The following TPRG1 variants were observed in gnomAD, a reference collection of about 807,000 sequenced individuals.
TPRG1 encodes the protein tumor protein p63 regulated 1.
A neutral mutation model predicts 29.3 loss-of-function variants in TPRG1; 29 were observed. The observed-to-expected ratio is 0.99, with a 90% CI of 0.74 to 1.35. The LOEUF is 1.35. TPRG1 is among the 40% of genes most tolerant of loss of function. The pLI, the probability that TPRG1 is intolerant of heterozygous loss-of-function variation, is 0.00. For missense variants in TPRG1, 327 were observed against 335.0 expected (o/e 0.98, Z 0.19); for synonymous variants, 130 against 116.8 (o/e 1.11, Z -0.73).
Position 189,104,752 on chromosome 3 carries a change from G to C in TPRG1, c.-744+4548G>C, listed in dbSNP as rs542031437. Among the ~76,000 whole-genome samples the C allele has an allele frequency of 9.6e-4, 145 of 151,810 alleles. 1 individual carries two copies. The highest frequency in any genetic ancestry group is 1.5e-3 in the South Asian group (7 of 4,800). ...ATATACCCACCTGAACTATTAATGT[G>C]TGCATTTTCTTGGATGTGCCTCCTT... On this transcript the variant is annotated intron_variant, in intron 1 of 6. Transcript: ENST00000412373.
chr3:189,273,117 C>A (rs1715510904), intron 4 of TPRG1, among the ~76,000 whole-genome samples: 1 of 152,168 alleles, frequency 6.6e-6, no homozygotes, highest in Non-Finnish European at 1.5e-5. Flanking sequence ...CTCCTCTAAT[C>A]AGCTCCTCTT....
intron 4 of TPRG1, among the ~76,000 whole-genome samples, chr3:189,263,502 A>G (rs947392285): frequency 6.6e-6 from 1 of 152,186 alleles, no homozygotes; most frequent in African/African-American, 2.4e-5. Flanking sequence ...AGCTAGAATA[A>G]TTCTGCTTTT....
At chr3:189,283,601 G>A (rs1717523013) in intron 4 of TPRG1, among the ~76,000 whole-genome samples, 1 of 152,096 alleles carries the variant, frequency 6.6e-6, no homozygotes, top group Non-Finnish European at 1.5e-5. Flanking sequence ...AAATAATATT[G>A]GGTGGCTCAT....
At chr3:189,201,823 G>A (rs977379620) in intron 1 of TPRG1, among the ~76,000 whole-genome samples, 1 of 151,938 alleles carries the variant, frequency 6.6e-6, no homozygotes, top group East Asian at 1.9e-4. Flanking sequence ...GCTAATTTTT[G>A]TATTTTTAGT....
At chr3:189,277,088 T>C (rs1489477769) in intron 4 of TPRG1, among the ~76,000 whole-genome samples, 1 of 152,144 alleles carries the variant, frequency 6.6e-6, no homozygotes, top group Non-Finnish European at 1.5e-5. Context: ...CTGTGGTGGT[T>C]TGGCAACAGA....
chr3:189,074,172 T>A (rs1327860078), intron 4 of TPRG1, among the ~76,000 whole-genome samples: 1 of 151,570 alleles, frequency 6.6e-6, no homozygotes, highest in African/African-American at 2.4e-5. Flanking sequence ...CGTTTGGAGT[T>A]TTTTTTAATT....
At chr3:189,241,708 G>A (rs531814542) in intron 4 of TPRG1, among the ~76,000 whole-genome samples, 1 of 152,090 alleles carries the variant, frequency 6.6e-6, no homozygotes, top group African/African-American at 2.4e-5. Context: ...TGAATCATGG[G>A]GGCTGGTCTT....
chr3:189,281,967 G>A (rs1717216034), intron 4 of TPRG1, among the ~76,000 whole-genome samples: 1 of 151,862 alleles, frequency 6.6e-6, no homozygotes, highest in Non-Finnish European at 1.5e-5. Context: ...TGCAACCTCT[G>A]CCTCCCAGGC....
rs531742493 is a variant in TPRG1, at chr3:189,000,469, T to C, written c.-1015-305T>C. On this transcript the variant is annotated intron_variant, in intron 1 of 10. Transcript: ENST00000433971. ...CCTTTATTTACTCTTGAATTTTTTG[T>C]TCTCCTTTAATTTAAAATGCTTACC... Among the ~76,000 whole-genome samples the C allele has an allele frequency of 4.6e-5, 7 of 152,242 alleles. No homozygotes were observed. In the South Asian group the frequency reaches 1.4e-3, roughly 32 times the overall value.
At chr3:189,293,101 A>G (rs1197261327) in intron 4 of TPRG1, among the ~76,000 whole-genome samples, 1 of 152,112 alleles carries the variant, frequency 6.6e-6, no homozygotes, top group Non-Finnish European at 1.5e-5. Flanking sequence ...TTCATTAGGC[A>G]TTTCTTTTCT....
intron 4 of TPRG1, among the ~76,000 whole-genome samples, chr3:189,300,341 C>T (rs1720636394): frequency 6.6e-6 from 1 of 152,196 alleles, no homozygotes; most frequent in Non-Finnish European, 1.5e-5. Context: ...TGTCTTAGCG[C>T]ATTGCCTGGA....
At chr3:189,194,450 C>A (rs941010184) in intron 1 of TPRG1, among the ~76,000 whole-genome samples, 1 of 152,112 alleles carries the variant, frequency 6.6e-6, no homozygotes, top group Admixed American at 6.5e-5. Flanking sequence ...GTTACATGAA[C>A]CTATTGTGAC....
chr3:189,182,683 T>C (rs1482250533), intron 1 of TPRG1, among the ~76,000 whole-genome samples: 1 of 152,240 alleles, frequency 6.6e-6, no homozygotes, highest in Non-Finnish European at 1.5e-5. Flanking sequence ...TGCATAGTCA[T>C]TATAAAAGTA....
At chr3:189,138,460 G>T (rs899983454) in intron 3 of TPRG1, among the ~76,000 whole-genome samples, 6 of 152,188 alleles carry the variant, frequency 3.9e-5, no homozygotes, top group East Asian at 1.9e-4. Flanking sequence ...GCACAATACA[G>T]GTTGGCAAGG....
At chr3:189,255,174 C>T (rs1476643690) in intron 4 of TPRG1, among the ~76,000 whole-genome samples, 3 of 152,066 alleles carry the variant, frequency 2.0e-5, no homozygotes, top group Non-Finnish European at 4.4e-5. Context: ...ATAAATAGCT[C>T]CTCTTATTTT....
intron 4 of TPRG1, among the ~76,000 whole-genome samples, chr3:189,037,055 T>TA (rs1333943547): frequency 1.5e-4 from 22 of 148,702 alleles, no homozygotes; most frequent in South Asian, 2.1e-4. Flanking sequence ...AACAAATATT[T>TA]AAAAAAAAAA....
chr3:189,019,240 T>C (rs1471253080), intron 3 of TPRG1, among the ~76,000 whole-genome samples: 9 of 151,936 alleles, frequency 5.9e-5, no homozygotes, highest in African/African-American at 2.2e-4. Flanking sequence ...TCCTGCCTAA[T>C]TGCCCTGGCC....
At chr3:189,029,297 A>T (rs1713819666) in intron 4 of TPRG1, among the ~76,000 whole-genome samples, 1 of 152,216 alleles carries the variant, frequency 6.6e-6, no homozygotes, top group Admixed American at 6.5e-5. Flanking sequence ...GTTTATTTAG[A>T]GATGCAATGT....
chr3:189,071,813 T>C (rs1312865254), intron 4 of TPRG1, among the ~76,000 whole-genome samples: 1 of 152,210 alleles, frequency 6.6e-6, no homozygotes, highest in Non-Finnish European at 1.5e-5. Flanking sequence ...GTTTCTAAGG[T>C]TCGAAATCTG....
Sources: gnomAD v4.1 joint callset for allele counts (sites outside exome capture counted in the v4.1 genomes callset) on GRCh38, gnomAD v4.1.1 for gene constraint, MANE v1.5 for transcripts, NCBI Gene and HGNC (gene_info 2026-07-23, HGNC 2026-07-21) for gene names.